LRP1B: variants seen among roughly 807,000 people sequenced by gnomAD.
LRP1B encodes the protein low-density lipoprotein receptor-related protein 1B.
LRP1B carries 217 observed loss-of-function variants against 556.6 expected under a neutral mutation model. The ratio of observed to expected loss-of-function variants is 0.39; its 90% CI spans 0.35 to 0.44. The LOEUF (loss-of-function observed/expected upper bound fraction) is 0.44, where lower values mean the gene tolerates loss of function less well. Among genes scored for constraint, LRP1B ranks in the 20% least tolerant of loss-of-function variants. The pLI, the probability that LRP1B is intolerant of heterozygous loss-of-function variation, is 1.00. For synonymous variants in LRP1B, 2,047 were observed against 1,865.8 expected (o/e 1.10, Z -2.50); for missense variants, 5,053 against 5,620.8 (o/e 0.90, Z 3.23).
At chr2:142,111,906 A>G (rs571887196) in intron 1 of LRP1B, among the ~76,000 whole-genome samples, 116 of 152,260 alleles carry the variant, frequency 7.6e-4, no homozygotes, top group African/African-American at 2.6e-3. Flanking sequence ...TCCCCATTTT[A>G]TAGATAAGAA....
chr2:141,880,828 C>A (rs867904305), intron 1 of LRP1B, among the ~76,000 whole-genome samples: 1 of 151,932 alleles, frequency 6.6e-6, no homozygotes, highest in Non-Finnish European at 1.5e-5. Flanking sequence ...GTGAATACAT[C>A]ATCGTGAATT....
In LRP1B at chr2:140,716,776, T is replaced by A. The variant is rs2105464481; in HGVS notation, c.5799A>T (p.Lys1933Asn). Residue 1933 changes from lysine (K) to asparagine (N), a missense_variant, in exon 36 of 91, where the codon AAA (lysine) becomes AAT (asparagine). Physicochemically the swap from Lys to Asn is moderately conservative, Grantham distance 94. This residue lies in a region of LRP1B where 3,619 missense variants were observed against 3,931.9 expected (regional missense o/e 0.92). Transcript: ENST00000389484. ...TCTGATCTCTTTTAGCTCTGCTAAT[T>A]TTATTGAAGCCCATGTCTGTCCAGT... is the stretch of plus-strand genomic sequence containing the variant. ...TIYWTDMGFN[K>N]ISRAKRDQTW... is the part of the protein sequence containing the mutation. 1 of 1,609,662 alleles carries A rather than the reference T, an allele frequency of 6.2e-7. No individual in the cohort carries two copies. Among genetic ancestry groups the A allele is most frequent in the Non-Finnish European group, 8.5e-7 (1 of 1,176,542 alleles).
At chr2:141,958,869 A>C (rs1266766070) in intron 1 of LRP1B, among the ~76,000 whole-genome samples, 1 of 151,980 alleles carries the variant, frequency 6.6e-6, no homozygotes, top group Non-Finnish European at 1.5e-5. Context: ...ATTACAGTTT[A>C]ATATTCCTTT....
At chr2:140,779,108 C>T (rs1474089114) in intron 32 of LRP1B, among the ~76,000 whole-genome samples, 1 of 151,624 alleles carries the variant, frequency 6.6e-6, no homozygotes, top group Non-Finnish European at 1.5e-5. Flanking sequence ...GGTCCTGCAA[C>T]CAAAAAGTTT....
At chr2:141,496,775 G>T (rs1327709678) in intron 2 of LRP1B, among the ~76,000 whole-genome samples, 2 of 151,768 alleles carry the variant, frequency 1.3e-5, no homozygotes, top group Non-Finnish European at 2.9e-5. Context: ...AATGTCATGG[G>T]TTATGAAGAA....
At chr2:141,887,495 T>G (rs1699163484) in intron 1 of LRP1B, among the ~76,000 whole-genome samples, 2 of 152,196 alleles carry the variant, frequency 1.3e-5, no homozygotes, top group African/African-American at 2.4e-5. Context: ...TAATCATTGT[T>G]GACAACTACA....
chr2:141,210,750 C>T (rs1339674708), intron 6 of LRP1B, among the ~76,000 whole-genome samples: 1 of 152,040 alleles, frequency 6.6e-6, no homozygotes, highest in African/African-American at 2.4e-5. Context: ...GCATCAAGCA[C>T]AATTTGGAAG....
chr2:141,210,505 G>A (rs552120068), intron 6 of LRP1B, among the ~76,000 whole-genome samples: 1 of 151,774 alleles, frequency 6.6e-6, no homozygotes, highest in East Asian at 1.9e-4. Flanking sequence ...AAACATTATG[G>A]GTTTCAAATA....
At chr2:140,555,255 C>T (rs970810215) in intron 43 of LRP1B, among the ~76,000 whole-genome samples, 27 of 151,060 alleles carry the variant, frequency 1.8e-4, no homozygotes, top group African/African-American at 6.6e-4. Context: ...ACTTTAGATG[C>T]TAGATTACAA....
chr2:141,154,965 C>G (rs575861377), intron 7 of LRP1B, among the ~76,000 whole-genome samples: 225 of 151,944 alleles, frequency 1.5e-3, no homozygotes, highest in African/African-American at 5.0e-3. Context: ...AAATAATATT[C>G]CTATCCTATT....
chr2:141,260,924 A>T (rs138837145), intron 3 of LRP1B, among the ~76,000 whole-genome samples: 41 of 152,240 alleles, frequency 2.7e-4, no homozygotes, highest in African/African-American at 8.7e-4. Context: ...GGTGTGTGCA[A>T]AAATGCCTTT....
At chr2:141,544,035 C>T (rs1559130638) in intron 2 of LRP1B, among the ~76,000 whole-genome samples, 1 of 152,088 alleles carries the variant, frequency 6.6e-6, no homozygotes, top group East Asian at 1.9e-4. Flanking sequence ...TTCTAAAAAT[C>T]TCTACTGGAA....
intron 2 of LRP1B, among the ~76,000 whole-genome samples, chr2:141,540,122 C>A (rs1456475631): frequency 2.6e-5 from 4 of 151,936 alleles, no homozygotes; most frequent in Admixed American, 2.0e-4. Flanking sequence ...CAATTTATCA[C>A]ATATATTATT....
chr2:141,570,191 A>G (rs533453208), intron 2 of LRP1B, among the ~76,000 whole-genome samples: 1 of 151,246 alleles, frequency 6.6e-6, no homozygotes, highest in African/African-American at 2.4e-5. Flanking sequence ...TTCACCCCCA[A>G]CGAAGGCCTC....
chr2:140,689,017 G>C (rs1413360481), intron 41 of LRP1B, among the ~76,000 whole-genome samples: 2 of 152,182 alleles, frequency 1.3e-5, no homozygotes, highest in African/African-American at 2.4e-5. Context: ...TGTAACCAAA[G>C]TTAATTGATA....
chr2:141,825,713 C>G (rs1460219186), intron 1 of LRP1B, among the ~76,000 whole-genome samples: 1 of 152,094 alleles, frequency 6.6e-6, no homozygotes, highest in Admixed American at 6.5e-5. Context: ...AAGTTCTTCT[C>G]TACAGTAGAC....
At chr2:142,128,643 T>C (rs1225773931) in intron 1 of LRP1B, among the ~76,000 whole-genome samples, 1 of 152,224 alleles carries the variant, frequency 6.6e-6, no homozygotes. Context: ...GTGTGTTAAA[T>C]ATATAATAGT....
intron 1 of LRP1B, among the ~76,000 whole-genome samples, chr2:141,992,511 C>T (rs374380451): frequency 2.1e-4 from 32 of 152,062 alleles, no homozygotes; most frequent in African/African-American, 6.0e-4. Flanking sequence ...AATTTTACTC[C>T]GCATTTCTGT....
intron 2 of LRP1B, among the ~76,000 whole-genome samples, chr2:141,570,445 C>A (rs1402146345): frequency 6.6e-6 from 1 of 151,228 alleles, no homozygotes; most frequent in East Asian, 1.9e-4. Context: ...GAATCTACAC[C>A]ACCAGGGCCT....
Sources: allele counts gnomAD v4.1 joint callset (sites outside exome capture counted in the v4.1 genomes callset), GRCh38; gene constraint gnomAD v4.1.1; regional missense constraint gnomAD v4.1.1; transcripts MANE v1.5; gene names NCBI Gene and HGNC (gene_info 2026-07-23, HGNC 2026-07-21).